Variants in CORO7 observed in about 807,000 individuals in gnomAD.
CORO7 encodes coronin-7.
Under a neutral mutation model 126.6 loss-of-function variants are expected in CORO7, and 107 were observed. The observed-to-expected ratio is 0.85, with a 90% CI of 0.72 to 0.99. The LOEUF is 0.99. Among genes scored for constraint, CORO7 ranks in the 50% least tolerant of loss-of-function variants. The pLI, the probability that CORO7 is intolerant of heterozygous loss-of-function variation, is 0.00. For missense variants in CORO7, 1,314 were observed against 1,255.8 expected, an observed-to-expected ratio of 1.05 and a Z score of -0.70; for synonymous variants, 603 against 536.8, an observed-to-expected ratio of 1.12 and a Z score of -1.70.
intron 9 of CORO7, among the ~76,000 whole-genome samples, chr16:4,380,270 G>A (rs893808983): frequency 9.2e-5 from 14 of 152,096 alleles, no homozygotes; most frequent in Admixed American, 2.6e-4. Context: ...GAACCTTCCC[G>A]CCGGCCACTT....
intron 6 of CORO7, among the ~76,000 whole-genome samples, chr16:4,400,418 G>C (rs1567295052): frequency 6.6e-6 from 1 of 152,216 alleles, no homozygotes; most frequent in Admixed American, 6.5e-5. Flanking sequence ...TGGATCACCT[G>C]ATGTCAGGAG....
intron 7 of CORO7, among the ~76,000 whole-genome samples, chr16:4,390,396 G>C (rs4786487): frequency 0.58 from 88,521 of 152,138 alleles, 29,595 homozygotes; most frequent in East Asian, 0.78. Flanking sequence ...GATTGTGTCT[G>C]ACACGTGTCA....
chr16:4,365,578 G>A, intron 9 of CORO7, 33 bp from the exon 10 acceptor site: 2 of 1,561,726 alleles, frequency 1.3e-6, no homozygotes. Flanking sequence ...GCGGGTCAGG[G>A]CAGTGGGAGG....
Position 4,388,586 on chromosome 16 carries a change from T to A in CORO7, c.661A>T (p.Met221Leu), listed in dbSNP as rs748235486. The A allele has an allele frequency of 1.4e-5, 22 of 1,613,000 alleles. No homozygotes were observed. In the South Asian group the frequency reaches 1.7e-4, roughly 12 times the overall value. ...GACACAAGGTGCTCCCAGGTGCCCATCCATGCCAGCCGGCTATCCCTGCTG... is the reference window on the plus strand; with the variant it reads ...GACACAAGGTGCTCCCAGGTGCCCAACCATGCCAGCCGGCTATCCCTGCTG... ...ENSRDSRLAW[M>L]GTWEHLVSTG... The change falls in exon 8 of 28, where the codon ATG becomes TTG. Residue 221 changes from methionine to leucine, a missense_variant. By Grantham distance (15) the Met-to-Leu change is conservative (BLOSUM62 2). Coordinates refer to ENST00000251166, the MANE Select transcript of CORO7 (RefSeq NM_024535.5).
chr16:4,374,937 T>C (rs1257353955), intron 9 of CORO7, among the ~76,000 whole-genome samples: 1 of 151,470 alleles, frequency 6.6e-6, no homozygotes, highest in African/African-American at 2.4e-5. Flanking sequence ...TGCTTGCCCC[T>C]GGGTGGGGAC....
intron 4 of CORO7, among the ~76,000 whole-genome samples, chr16:4,407,963 G>A (rs2056067935): frequency 1.3e-5 from 2 of 152,310 alleles, no homozygotes; most frequent in South Asian, 4.1e-4. Context: ...ATCCCCACCT[G>A]CTGTCCTCGG....
At chr16:4,357,067 C>T in intron 26 of CORO7, 101 bp downstream of exon 26, 2 of 1,453,416 alleles carry the variant, frequency 1.4e-6, no homozygotes, top group Non-Finnish European at 1.9e-6. Flanking sequence ...TGACATGTGG[C>T]TGCTGTCCCA....
intron 1 of CORO7, among the ~76,000 whole-genome samples, chr16:4,416,089 G>T (rs568827248): frequency 6.6e-6 from 1 of 152,230 alleles, no homozygotes; most frequent in Non-Finnish European, 1.5e-5. Flanking sequence ...GGAGCCAGGC[G>T]CCGGCAGCGC....
chr16:4,395,169 G>C, intron 7 of CORO7, 120 bp downstream of exon 7: 3 of 1,428,078 alleles, frequency 2.1e-6, no homozygotes, highest in Non-Finnish European at 2.9e-6. Flanking sequence ...GGGGACCCCT[G>C]GTGCTGCAGA....
Position 4,405,535 on chromosome 16 carries a change from C to G in CORO7, c.520G>C (p.Ala174Pro). ...LAAHGDLVQS[A>P]VWSRDGALVG... is the part of the protein sequence containing the mutation. ...AGGGCTCCATCTCGGCTCCAGACGG[C>G]GCTCTGCACCAGGTCCCCATGGGCT... Residue 174 changes from alanine to proline, a missense_variant, in exon 6 of 28, where the codon GCC becomes CCC. Coordinates refer to ENST00000251166, the MANE Select transcript of CORO7 (RefSeq NM_024535.5). 1 of 1,612,904 alleles carries G rather than the reference C, an allele frequency of 6.2e-7. No homozygotes were observed. Among genetic ancestry groups the G allele is most frequent in the Non-Finnish European group, 8.5e-7 (1 of 1,179,894 alleles).
intron 9 of CORO7, chr16:4,382,105 C>T: frequency 6.3e-7 from 1 of 1,584,832 alleles, no homozygotes; most frequent in Non-Finnish European, 8.6e-7. Context: ...CCAGGACTGC[C>T]CACCGTCCAC....
chr16:4,365,918 G>C (rs79634004), intron 9 of CORO7, among the ~76,000 whole-genome samples: 15 of 152,324 alleles, frequency 9.8e-5, no homozygotes, highest in African/African-American at 3.4e-4. Context: ...AGGGAAGGTG[G>C]AGAGGTGAGG....
At position 4,357,913 on chromosome 16, in the gene CORO7, T is replaced by A. The variant is rs915582010; in HGVS notation, c.2593+55A>T. The stretch of plus-strand genomic sequence containing the variant: ...ATGGAACTTCAACCTGGGCCTTCTG[T>A]CCCTTTCTCCAACCCCCATCCCGCT... On this transcript the variant is annotated intron_variant, in intron 25 of 27. Transcript: ENST00000251166. The A allele has an allele frequency of 6.4e-5, 99 of 1,557,644 alleles. No homozygotes were observed. The African/African-American group carries it at 1.2e-3, about 19-fold the overall frequency.
At chr16:4,359,002 C>T in intron 23 of CORO7, 1 of 483,138 alleles carries the variant, frequency 2.1e-6, no homozygotes, top group Non-Finnish European at 3.6e-6. Flanking sequence ...GTCTTGAACT[C>T]CTGGGCTCAA....
At chr16:4,361,110 G>A (rs1233813592) in intron 18 of CORO7, 25 bp from the exon 19 acceptor site, 2 of 1,613,328 alleles carry the variant, frequency 1.2e-6, no homozygotes, top group Non-Finnish European at 1.7e-6. Flanking sequence ...GGGTGATCAG[G>A]AGCCCTTGGG....
At chr16:4,402,805 C>A (rs2071892651) in intron 6 of CORO7, among the ~76,000 whole-genome samples, 1 of 152,228 alleles carries the variant, frequency 6.6e-6, no homozygotes, top group Non-Finnish European at 1.5e-5. Flanking sequence ...GTCAGGAGCG[C>A]AGCAGGCCGG....
intron 9 of CORO7, chr16:4,381,383 C>A: frequency 6.3e-7 from 1 of 1,589,678 alleles, no homozygotes; most frequent in Admixed American, 1.8e-5. Context: ...CTGCGCCTGC[C>A]CCGCCTGCTG....
At chr16:4,386,638 G>A (rs2055202561) in intron 9 of CORO7, among the ~76,000 whole-genome samples, 1 of 152,190 alleles carries the variant, frequency 6.6e-6, no homozygotes, top group African/African-American at 2.4e-5. Flanking sequence ...CCCAGAGCAG[G>A]CAGGAGGCTG....
In CORO7 at chr16:4,362,131, C is replaced by T. The variant is rs1359237611; in HGVS notation, c.1432G>A (p.Gly478Ser). ...GPSSKFRHAQ[G>S]TVLHRDSHIT... ...TGGCTGTCTCGGTGCAGGACAGTGCCCTGAGCATGGCGGAACTTGGAACTG... is the reference window on the plus strand; with the variant it reads ...TGGCTGTCTCGGTGCAGGACAGTGCTCTGAGCATGGCGGAACTTGGAACTG... The change falls in exon 16 of 28, where the codon GGC becomes AGC. Residue 478 changes from glycine to serine, a missense_variant. Physicochemically the swap from Gly to Ser is moderately conservative, Grantham distance 56 (BLOSUM62 0). Coordinates refer to ENST00000251166, the MANE Select transcript of CORO7 (RefSeq NM_024535.5). This position sits in a 1 kb window ranked among gnomAD's most constrained non-coding sequence, Gnocchi z 5.3. The T allele has an allele frequency of 6.8e-6, 11 of 1,610,590 alleles. No homozygotes were observed. Among genetic ancestry groups the T allele is most frequent in the Non-Finnish European group, 8.5e-6 (10 of 1,179,300 alleles).
Sources: gnomAD v4.1 joint callset for allele counts (sites outside exome capture counted in the v4.1 genomes callset) on GRCh38, gnomAD v4.1.1 for gene constraint, Gnocchi (gnomAD v3.1) non-coding constraint, MANE v1.5 for transcripts, NCBI Gene and HGNC (gene_info 2026-07-23, HGNC 2026-07-21) for gene names.